The following GRIA3 variants were observed in gnomAD, a reference collection of about 807,000 sequenced individuals.
The protein encoded by GRIA3 is glutamate ionotropic receptor AMPA type subunit 3.
GRIA3 carries 3 observed loss-of-function variants against 63.0 expected under a neutral mutation model. The ratio of observed to expected loss-of-function variants is 0.05; its 90% CI spans 0.02 to 0.12. The LOEUF (loss-of-function observed/expected upper bound fraction) is 0.12. GRIA3 is among the 10% of genes least tolerant of loss of function. The probability of loss-of-function intolerance (pLI) is 1.00; values close to 1 mark genes in which losing one functional copy is unlikely to be tolerated. For missense variants in GRIA3, 347 were observed against 700.9 expected, an observed-to-expected ratio of 0.50 and a Z score of 5.70; for synonymous variants, 274 against 257.9, an observed-to-expected ratio of 1.06 and a Z score of -0.60.
chrX:123,329,905 T>A (rs906580793), intron 4 of GRIA3, among the ~76,000 whole-genome samples: 1 of 111,747 alleles, frequency 8.9e-6, no homozygotes, highest in African/African-American at 3.2e-5. Flanking sequence ...TCTGAAGAGA[T>A]CCTCCACCAC....
At chrX:123,451,148 G>A (rs1262601310) in intron 12 of GRIA3, among the ~76,000 whole-genome samples, 1 of 111,086 alleles carries the variant, frequency 9.0e-6, no homozygotes, top group East Asian at 2.8e-4. Flanking sequence ...TGTGTAAAAG[G>A]ATCAATCAGA....
chrX:123,458,158 T>A (rs1482543285), intron 12 of GRIA3, among the ~76,000 whole-genome samples: 6 of 109,735 alleles, frequency 5.5e-5, no homozygotes, highest in Non-Finnish European at 1.9e-5. Context: ...ACACTTCAAT[T>A]TTAATATTCA....
chrX:123,187,459 T>A (rs1390559367), intron 2 of GRIA3, among the ~76,000 whole-genome samples: 1 of 112,201 alleles, frequency 8.9e-6, no homozygotes, highest in African/African-American at 3.2e-5. Context: ...TGTCTGTCTA[T>A]ACTTTGCATC....
intron 5 of GRIA3, among the ~76,000 whole-genome samples, chrX:123,369,289 G>C (rs1290556570): frequency 3.6e-5 from 4 of 112,414 alleles, no homozygotes; most frequent in Non-Finnish European, 5.6e-5. Context: ...AGGATAGGCA[G>C]AAGAGAGCCA....
intron 13 of GRIA3, among the ~76,000 whole-genome samples, chrX:123,478,659 C>G (rs1024246099): frequency 8.9e-6 from 1 of 112,357 alleles, no homozygotes; most frequent in Non-Finnish European, 1.9e-5. Flanking sequence ...GAGACCAGAT[C>G]TCTGTGACTA....
At chrX:123,305,443 T>C (rs969319910) in intron 3 of GRIA3, among the ~76,000 whole-genome samples, 1 of 112,316 alleles carries the variant, frequency 8.9e-6, no homozygotes, top group Non-Finnish European at 1.9e-5. Flanking sequence ...AAAATATAGA[T>C]TTTCTACACA....
intron 6 of GRIA3, among the ~76,000 whole-genome samples, chrX:123,395,547 C>A (rs1299702403): frequency 9.0e-6 from 1 of 111,556 alleles, no homozygotes; most frequent in African/African-American, 3.3e-5. Context: ...TCTCAGTACA[C>A]CCAAGTGAAT....
rs762122543 is a variant in GRIA3 at position 123,272,351 on chromosome X, G to A, written c.508+18809G>A. Among the ~76,000 whole-genome samples, 47 of 111,590 alleles carry A rather than the reference G, an allele frequency of 4.2e-4. No individual in the cohort carries two copies. In the South Asian group the frequency reaches 4.5e-3, roughly 11 times the overall value. On this transcript the variant is annotated intron_variant, in intron 3 of 15. Transcript: ENST00000620443. ...TGGCTAGGGAGAATAGTGGCTACCC[G>A]CCTCAGTGACATTTGCTTTTTAAAG...
intron 5 of GRIA3, among the ~76,000 whole-genome samples, chrX:123,383,982 A>G (rs1218022374): frequency 2.7e-5 from 3 of 111,521 alleles, no homozygotes; most frequent in Non-Finnish European, 5.6e-5. Flanking sequence ...TTCCTGTGTT[A>G]GTTGGCTAAG....
At chrX:123,220,050 T>C (rs772271963) in intron 2 of GRIA3, among the ~76,000 whole-genome samples, 27 of 112,344 alleles carry the variant, frequency 2.4e-4, no homozygotes, top group Non-Finnish European at 5.1e-4. Context: ...ATGGGCATGA[T>C]GGGCCAGCCC....
chrX:123,472,343 G>A (rs1334474135), intron 13 of GRIA3, among the ~76,000 whole-genome samples: 2 of 109,201 alleles, frequency 1.8e-5, no homozygotes, highest in Admixed American at 9.9e-5. Flanking sequence ...TTCTGGTACC[G>A]ATCTGTTTCT....
rs181900499 is a variant in GRIA3, at chrX:123,444,854, T to C, written c.2076+16715T>C. Among the ~76,000 whole-genome samples the C allele has an allele frequency of 3.6e-3, 399 of 111,369 alleles. 3 individuals carry two copies. Among genetic ancestry groups the C allele is most frequent in the African/African-American group, 0.012 (380 of 30,666 alleles). On this transcript the variant is annotated intron_variant, in intron 12 of 15. Coordinates refer to ENST00000620443, the MANE Select transcript of GRIA3 (RefSeq NM_007325.5). Reference sequence around the variant, plus strand: ...CTACATTGCCATTGCCATTTTAACCTGCTATGGGTATTAGGCAAACAGAAG... The same window carrying C: ...CTACATTGCCATTGCCATTTTAACCCGCTATGGGTATTAGGCAAACAGAAG...
chrX:123,409,498 C>T (rs921417803), intron 10 of GRIA3, among the ~76,000 whole-genome samples: 2 of 111,458 alleles, frequency 1.8e-5, no homozygotes, highest in Non-Finnish European at 3.8e-5. Flanking sequence ...ACACAATGTG[C>T]CCCATTATGT....
At chrX:123,382,714 A>T (rs773447776) in intron 5 of GRIA3, among the ~76,000 whole-genome samples, 2 of 111,824 alleles carry the variant, frequency 1.8e-5, no homozygotes, top group African/African-American at 3.3e-5. Flanking sequence ...CAAATCTTCA[A>T]GAAAAGAGTG....
chrX:123,242,729 T>C (rs1264871197), intron 2 of GRIA3, among the ~76,000 whole-genome samples: 1 of 112,494 alleles, frequency 8.9e-6, no homozygotes, highest in Non-Finnish European at 1.9e-5. Flanking sequence ...ATTTATTCTC[T>C]GCACGAACCT....
intron 3 of GRIA3, among the ~76,000 whole-genome samples, chrX:123,257,826 G>T (rs2044428305): frequency 9.0e-6 from 1 of 111,240 alleles, no homozygotes; most frequent in Admixed American, 9.5e-5. Context: ...TCATTTAAAA[G>T]AATTGTAGCA....
At chrX:123,352,652 C>T (rs2147348811) in intron 4 of GRIA3, among the ~76,000 whole-genome samples, 2 of 111,764 alleles carry the variant, frequency 1.8e-5, no homozygotes, top group African/African-American at 6.5e-5. Context: ...GGATTCCTTC[C>T]TTATTCCCCT....
chrX:123,205,314 C>A (rs1370768322), intron 2 of GRIA3, among the ~76,000 whole-genome samples: 1 of 111,861 alleles, frequency 8.9e-6, no homozygotes, highest in East Asian at 2.8e-4. Context: ...ATATTTGAAG[C>A]ACATGTCTTT....
At chrX:123,364,924 A>T (rs2045200750) in intron 5 of GRIA3, among the ~76,000 whole-genome samples, 1 of 112,447 alleles carries the variant, frequency 8.9e-6, no homozygotes, top group Non-Finnish European at 1.9e-5. Flanking sequence ...TTGAACTCAT[A>T]GAAGTAGAGA....
Sources: gnomAD v4.1 joint callset for allele counts (sites outside exome capture counted in the v4.1 genomes callset) on GRCh38, gnomAD v4.1.1 for gene constraint, MANE v1.5 for transcripts, NCBI Gene and HGNC (gene_info 2026-07-23, HGNC 2026-07-21) for gene names.